Variants in SLC8A1 observed in about 807,000 individuals in gnomAD.
The protein encoded by SLC8A1 is sodium/calcium exchanger 1.
A neutral mutation model predicts 68.3 loss-of-function variants in SLC8A1; 18 were observed. The observed-to-expected ratio is 0.26, with a 90% CI of 0.18 to 0.39. SLC8A1 has a LOEUF of 0.39. Ranked by LOEUF, SLC8A1 falls within the 10% of genes least tolerant of loss-of-function variation. SLC8A1 has a pLI of 1.00. For missense variants in SLC8A1, 985 were observed against 1,156.7 expected (o/e 0.85, Z 2.15); for synonymous variants, 475 against 415.5 (o/e 1.14, Z -1.74).
At chr2:40,505,182 G>T (rs1457634867) in intron 1 of SLC8A1, among the ~76,000 whole-genome samples, 1 of 151,740 alleles carries the variant, frequency 6.6e-6, no homozygotes, top group African/African-American at 2.4e-5. Flanking sequence ...ATAGAAGGAT[G>T]GTTACCAGAG....
intron 2 of SLC8A1, among the ~76,000 whole-genome samples, chr2:40,331,183 T>C (rs1031175932): frequency 1.3e-5 from 2 of 152,202 alleles, no homozygotes; most frequent in Admixed American, 1.3e-4. Context: ...AATTCAGTAA[T>C]TGCCATATAG....
intron 2 of SLC8A1, among the ~76,000 whole-genome samples, chr2:40,377,560 CAGCCCTAGAGCAGAGCTCAA>C (rs1004849803): frequency 1.3e-5 from 2 of 151,826 alleles, no homozygotes; most frequent in Admixed American, 6.6e-5. Flanking sequence ...TGCCAACTCA[CAGCCCTAGAGCAGAGCTCAA>C]AGTGAATCTA....
chr2:40,098,681 A>G (rs1047869608), exon 8 of SLC8A1: 9 of 152,030 alleles, frequency 5.9e-5, no homozygotes, highest in Non-Finnish European at 7.4e-5. Flanking sequence ...CAAATGCTGG[A>G]ATTCTAATCT....
At chr2:40,268,522 A>AC (rs1483251428) in intron 2 of SLC8A1, among the ~76,000 whole-genome samples, 2 of 151,976 alleles carry the variant, frequency 1.3e-5, no homozygotes, top group Non-Finnish European at 2.9e-5. Context: ...ATGCCTTGGT[A>AC]CCCCCCATTA....
exon 8 of SLC8A1, chr2:40,102,108 A>C (rs2033927738): frequency 6.6e-6 from 1 of 152,192 alleles, no homozygotes; most frequent in African/African-American, 2.4e-5. Flanking sequence ...TTAATTATAG[A>C]GAATCTTTAG....
At chr2:40,281,129 C>T (rs1483811301) in intron 2 of SLC8A1, among the ~76,000 whole-genome samples, 4 of 152,156 alleles carry the variant, frequency 2.6e-5, no homozygotes, top group South Asian at 2.1e-4. Context: ...GTGAAACATA[C>T]TTCACCAAAG....
rs1225511521 is a variant in SLC8A1, at chr2:40,232,961, G to A, written c.1809-55106C>T. The stretch of plus-strand genomic sequence containing the variant: ...TTTTATGGCTGCATAGTATTCCATG[G>A]TGTATATGTGCCACATTTTCTTAAT... On this transcript the variant is annotated intron_variant, in intron 2 of 7. Transcript: ENST00000406785. Among the ~76,000 whole-genome samples, 4 of 151,268 alleles carry A rather than the reference G, an allele frequency of 2.6e-5. No homozygotes were observed. In the East Asian group the frequency reaches 7.7e-4, roughly 29 times the overall value.
chr2:40,373,446 T>C (rs192020912), intron 2 of SLC8A1, among the ~76,000 whole-genome samples: 18 of 152,172 alleles, frequency 1.2e-4, no homozygotes, highest in Admixed American at 1.0e-3. Flanking sequence ...AAATAAAAAG[T>C]TACAGTCACC....
At chr2:40,161,146 C>T (rs1440299073) in intron 5 of SLC8A1, among the ~76,000 whole-genome samples, 2 of 152,156 alleles carry the variant, frequency 1.3e-5, no homozygotes, top group Non-Finnish European at 2.9e-5. Flanking sequence ...TGCAAAAGCC[C>T]ATCCATCCCC....
At position 40,405,575 on chromosome 2, in the gene SLC8A1, C is replaced by T. The variant is rs561120491; in HGVS notation, c.1808+22898G>A. Among the ~76,000 whole-genome samples the T allele has an allele frequency of 4.2e-4, 64 of 152,322 alleles. No homozygotes were observed. In the Middle Eastern group the frequency reaches 0.01, roughly 24 times the overall value. ...AATTTCTAACAAAGACAATGCACTT[C>T]ACATTTTTACTTTTGCATTCCAGCA... is the stretch of plus-strand genomic sequence containing the variant. On this transcript the variant is annotated intron_variant, in intron 2 of 7. Transcript: ENST00000406785.
rs1228218384 is a variant in SLC8A1 at position 40,154,479 on chromosome 2, CTTTTCTTTTTT to C, written c.2161+6275_2161+6285del. 1.4e-3 allele frequency among the ~76,000 whole-genome samples: 43 copies of C among 30,050 alleles called. 1 individual carries two copies. Among genetic ancestry groups the C allele is most frequent in the Non-Finnish European group, 1.6e-3 (22 of 13,450 alleles). 19.7% of individuals were successfully genotyped at this position (30,050 alleles called of 152,430 possible). A position where few individuals can be genotyped will look rare whatever the true frequency, so the allele number is the denominator to read the frequency against. On this transcript the variant is annotated intron_variant, in intron 6 of 7. Coordinates refer to ENST00000406785, the Ensembl canonical transcript of SLC8A1. The stretch of plus-strand genomic sequence containing the variant: ...CCACCATGCCCGGCTAATTTTTTTT[CTTTTCTTTTTT>C]TTTTTTTTTTGTATTTTTAGTAGAG...
chr2:40,249,682 T>G (rs941335714), intron 2 of SLC8A1, among the ~76,000 whole-genome samples: 2 of 152,324 alleles, frequency 1.3e-5, no homozygotes, highest in Admixed American at 1.3e-4. Context: ...TACCATCAAT[T>G]TGAATAAGTG....
chr2:40,138,321 C>A (rs2040909108), intron 7 of SLC8A1, among the ~76,000 whole-genome samples: 1 of 152,128 alleles, frequency 6.6e-6, no homozygotes, highest in African/African-American at 2.4e-5. Flanking sequence ...CTATGGCAAA[C>A]TTTAGTAGAA....
At chr2:40,242,006 T>C (rs1267965693) in intron 2 of SLC8A1, among the ~76,000 whole-genome samples, 1 of 152,174 alleles carries the variant, frequency 6.6e-6, no homozygotes, top group Non-Finnish European at 1.5e-5. Flanking sequence ...CTATTTCCTA[T>C]AGTTTGCTAC....
At chr2:40,129,274 G>A (rs1404081917) in intron 7 of SLC8A1, among the ~76,000 whole-genome samples, 1 of 149,176 alleles carries the variant, frequency 6.7e-6, no homozygotes, top group African/African-American at 2.5e-5. Context: ...CTCTGTCACT[G>A]AGGCTGAGTG....
chr2:40,270,313 G>GT (rs1424452601), intron 2 of SLC8A1, among the ~76,000 whole-genome samples: 7 of 152,200 alleles, frequency 4.6e-5, no homozygotes, highest in Non-Finnish European at 7.3e-5. Context: ...TAATGCTGCT[G>GT]TAACAAATTT....
chr2:40,214,250 G>A (rs756534835), intron 2 of SLC8A1, among the ~76,000 whole-genome samples: 1 of 152,122 alleles, frequency 6.6e-6, no homozygotes, highest in East Asian at 1.9e-4. Flanking sequence ...ATCAGGTGAA[G>A]TTTTCCTCAC....
At chr2:40,109,089 A>C (rs2034403696) in exon 8 of SLC8A1, 1 of 152,186 alleles carries the variant, frequency 6.6e-6, no homozygotes, top group Non-Finnish European at 1.5e-5. Flanking sequence ...CTTTGCAGTC[A>C]ACAAATTAGG....
At chr2:40,204,596 C>T (rs182230171) in intron 2 of SLC8A1, among the ~76,000 whole-genome samples, 6 of 152,004 alleles carry the variant, frequency 3.9e-5, no homozygotes, top group South Asian at 4.2e-4. Flanking sequence ...ATCCCTTTGG[C>T]GGAGCTAATG....
Sources: allele counts gnomAD v4.1 joint callset (sites outside exome capture counted in the v4.1 genomes callset), GRCh38; gene constraint gnomAD v4.1.1; transcripts MANE v1.5; gene names NCBI Gene and HGNC (gene_info 2026-07-23, HGNC 2026-07-21).